Variants in RHOU observed in about 807,000 individuals in gnomAD.
RHOU encodes ras homolog family member U, also known as rho-related GTP-binding protein RhoU.
Under a neutral mutation model 12.6 loss-of-function variants are expected in RHOU, and 8 were observed. The ratio of observed to expected loss-of-function variants is 0.64; its 90% confidence interval spans 0.37 to 1.15. RHOU has a LOEUF of 1.15. Among genes scored for constraint, RHOU ranks in the 50% most tolerant of loss-of-function variants. The probability of loss-of-function intolerance (pLI) is 0.01; values close to 1 mark genes in which losing one functional copy is unlikely to be tolerated. For missense variants in RHOU, 258 were observed against 347.0 expected (o/e 0.74, Z 2.04); for synonymous variants, 161 against 147.4 (o/e 1.09, Z -0.67).
At chr1:228,723,689 C>G in the RHOU span, among the ~76,000 whole-genome samples, 1 of 152,178 alleles carries the variant, frequency 6.6e-6, no homozygotes, top group Non-Finnish European at 1.5e-5. Flanking sequence ...TTGGAGCTGC[C>G]GTAAAAGAAA....
At chr1:228,716,601 G>T in the RHOU span, among the ~76,000 whole-genome samples, 1 of 152,014 alleles carries the variant, frequency 6.6e-6, no homozygotes, top group Non-Finnish European at 1.5e-5. Flanking sequence ...TTTGTTTTGT[G>T]TACTGTTCAA....
At chr1:228,715,397 A>C in the RHOU span, among the ~76,000 whole-genome samples, 1 of 151,986 alleles carries the variant, frequency 6.6e-6, no homozygotes, top group African/African-American at 2.4e-5. Context: ...AAGCTTTTAC[A>C]TTTCTAGGTG....
chr1:228,674,875 C>T, the RHOU span, among the ~76,000 whole-genome samples: 1 of 151,866 alleles, frequency 6.6e-6, no homozygotes, highest in Non-Finnish European at 1.5e-5. Context: ...GGACTACAGG[C>T]GCCTGCCACC....
At chr1:228,652,153 T>TA in the RHOU span, among the ~76,000 whole-genome samples, 1 of 152,194 alleles carries the variant, frequency 6.6e-6, no homozygotes, top group Non-Finnish European at 1.5e-5. Flanking sequence ...GATCATAGAC[T>TA]AAAAAATCAT....
the RHOU span, chr1:228,687,470 A>G: frequency 1.9e-6 from 3 of 1,561,714 alleles, no homozygotes; most frequent in Non-Finnish European, 2.6e-6. Context: ...AGGAGAGGGA[A>G]CATGCTGAGA....
chr1:228,707,132 A>ATATATATATATATATATG, the RHOU span, among the ~76,000 whole-genome samples: 5 of 120,392 alleles, frequency 4.2e-5, no homozygotes, highest in Admixed American at 8.5e-5. Flanking sequence ...ATATACATAT[A>ATATATATATATATATATG]TATATATATA....
At chr1:228,654,397 A>G in the RHOU span, among the ~76,000 whole-genome samples, 1 of 152,152 alleles carries the variant, frequency 6.6e-6, no homozygotes, top group African/African-American at 2.4e-5. Context: ...GTGAACCACA[A>G]TATCCAGCAT....
chr1:228,671,712 C>CAAAAAAAAAAAAAAAAAA, the RHOU span, among the ~76,000 whole-genome samples: 1 of 65,248 alleles, frequency 1.5e-5, no homozygotes, highest in African/African-American at 4.5e-5. Flanking sequence ...GACTCCATCT[C>CAAAAAAAAAAAAAAAAAA]AAAAAAAAAA....
At chr1:228,664,172 C>A in the RHOU span, among the ~76,000 whole-genome samples, 3 of 151,372 alleles carry the variant, frequency 2.0e-5, no homozygotes, top group Non-Finnish European at 4.4e-5. Context: ...TGTGTGCCAC[C>A]AGGCTCGGCT....
rs1410659649 is a variant in RHOU, at chr1:228,743,995, C to T, written c.*255C>T. 5.0e-6 allele frequency: 2 copies of T among 403,526 alleles called. No homozygotes were observed. Among genetic ancestry groups the T allele is most frequent in the Non-Finnish European group, 8.8e-6 (2 of 226,092 alleles). 25.0% of individuals were successfully genotyped at this position (403,526 alleles called of 1,614,324 possible). A position where few individuals can be genotyped will look rare whatever the true frequency, so the allele number is the denominator to read the frequency against. On this transcript the variant is annotated 3_prime_UTR_variant, in exon 3 of 3. Coordinates refer to ENST00000366691, the MANE Select transcript of RHOU (RefSeq NM_021205.6). This position sits in a 1 kb window ranked among gnomAD's most constrained non-coding sequence, Gnocchi z 5.1. ...TTCACATCTCTGGAAATTTAGAGTT[C>T]TAGACCTCTGGTTAATTTATATCTA...
chr1:228,663,625 C>CTTT, the RHOU span, among the ~76,000 whole-genome samples: 261 of 58,676 alleles, frequency 4.4e-3, no homozygotes, highest in Non-Finnish European at 6.0e-3. Flanking sequence ...CTTTTCTTTT[C>CTTT]TTTTTTTTTT....
the RHOU span, among the ~76,000 whole-genome samples, chr1:228,679,734 C>T: frequency 5.9e-5 from 9 of 151,780 alleles, no homozygotes; most frequent in Admixed American, 1.3e-4. Flanking sequence ...TGGCATTGAT[C>T]GGGGTAAGGG....
the RHOU span, among the ~76,000 whole-genome samples, chr1:228,728,904 T>C: frequency 0.017 from 2,542 of 151,638 alleles, 146 homozygotes; most frequent in Admixed American, 0.12. Context: ...CTTTTCTTTT[T>C]TTTTTTTTGG....
the RHOU span, among the ~76,000 whole-genome samples, chr1:228,657,483 C>T: frequency 6.6e-6 from 1 of 151,932 alleles, no homozygotes; most frequent in Non-Finnish European, 1.5e-5. Context: ...GATAATGTAA[C>T]AATTGTAAAC....
the RHOU span, among the ~76,000 whole-genome samples, chr1:228,718,207 G>A: frequency 6.6e-6 from 1 of 152,196 alleles, no homozygotes; most frequent in African/African-American, 2.4e-5. Flanking sequence ...CAGTGAATGG[G>A]CTTAGGAGAA....
the RHOU span, among the ~76,000 whole-genome samples, chr1:228,663,633 T>TCTTTTCTTTTC: frequency 2.3e-5 from 3 of 132,764 alleles, no homozygotes; most frequent in African/African-American, 8.5e-5. Context: ...TTCTTTTTTT[T>TCTTTTCTTTTC]TTTTTTTTTT....
chr1:228,700,122 C>G, the RHOU span, among the ~76,000 whole-genome samples: 1 of 152,100 alleles, frequency 6.6e-6, no homozygotes, highest in Non-Finnish European at 1.5e-5. Context: ...GGTAGCCATC[C>G]AGGTTCTCCA....
At chr1:228,712,319 C>T in the RHOU span, among the ~76,000 whole-genome samples, 1 of 148,258 alleles carries the variant, frequency 6.7e-6, no homozygotes, top group Admixed American at 6.7e-5. Context: ...GGTATATACC[C>T]AAAGGACTAT....
chr1:228,651,499 T>C, the RHOU span: 1 of 152,904 alleles, frequency 6.5e-6, no homozygotes, highest in South Asian at 2.1e-4. Context: ...CCCAGTGACA[T>C]AGTGAGAGGT....
Sources: allele counts gnomAD v4.1 joint callset (sites outside exome capture counted in the v4.1 genomes callset), GRCh38; gene constraint gnomAD v4.1.1; non-coding constraint Gnocchi (gnomAD v3.1); transcripts MANE v1.5; gene names NCBI Gene and HGNC (gene_info 2026-07-23, HGNC 2026-07-21).